The following KSR2 variants were observed in gnomAD, a reference collection of about 807,000 sequenced individuals.
KSR2 encodes the protein kinase suppressor of ras 2.
In KSR2, 25 loss-of-function variants were observed where a neutral mutation model predicts 107.8. That is an observed-to-expected ratio of 0.23 (90% CI 0.17 to 0.32). The LOEUF (loss-of-function observed/expected upper bound fraction) is 0.32, where lower values mean the gene tolerates loss of function less well. Among genes scored for constraint, KSR2 ranks in the 10% least tolerant of loss-of-function variants. The pLI, the probability that KSR2 is intolerant of heterozygous loss-of-function variation, is 1.00. For synonymous variants in KSR2, 480 were observed against 507.0 expected, an observed-to-expected ratio of 0.95 and a Z score of 0.71; for missense variants, 887 against 1,268.9, an observed-to-expected ratio of 0.70 and a Z score of 4.57.
chr12:117,589,021 C>T (rs568306537), intron 5 of KSR2, among the ~76,000 whole-genome samples: 88 of 152,302 alleles, frequency 5.8e-4, no homozygotes, highest in Non-Finnish European at 3.2e-4. Context: ...GTAAGGATAA[C>T]TAAATTGTTC....
At chr12:117,959,817 G>A (rs893127345) in intron 1 of KSR2, among the ~76,000 whole-genome samples, 25 of 152,002 alleles carry the variant, frequency 1.6e-4, no homozygotes, top group African/African-American at 4.1e-4. Flanking sequence ...TGCAGTCCCC[G>A]CTACTTGGGA....
chr12:117,495,762 A>T (rs1872985394), intron 14 of KSR2, among the ~76,000 whole-genome samples: 2 of 152,210 alleles, frequency 1.3e-5, no homozygotes, highest in Non-Finnish European at 2.9e-5. Flanking sequence ...CTAAGTCAAG[A>T]GGTCAGAGGC....
chr12:117,518,227 T>C (rs1111599), intron 14 of KSR2, among the ~76,000 whole-genome samples: 65,205 of 151,960 alleles, frequency 0.43, 14,201 homozygotes, highest in South Asian at 0.56. Context: ...ATTGGTGACA[T>C]GCGCCAAATG....
intron 3 of KSR2, among the ~76,000 whole-genome samples, chr12:117,851,069 C>A (rs1418868988): frequency 6.6e-6 from 1 of 152,202 alleles, no homozygotes; most frequent in Non-Finnish European, 1.5e-5. Flanking sequence ...GTACACAATT[C>A]TTTACTAAGA....
chr12:117,823,517 C>T (rs1039876506), intron 3 of KSR2, among the ~76,000 whole-genome samples: 2 of 152,020 alleles, frequency 1.3e-5, no homozygotes, highest in South Asian at 4.2e-4. Flanking sequence ...GATGGTGCTA[C>T]CATTTACTAA....
At chr12:117,624,729 A>G (rs921874707) in intron 5 of KSR2, among the ~76,000 whole-genome samples, 14 of 152,170 alleles carry the variant, frequency 9.2e-5, no homozygotes, top group African/African-American at 3.4e-4. Flanking sequence ...ACCTTAAAGT[A>G]GTTTTTTCCA....
At chr12:117,811,854 GT>G (rs1215321611) in intron 3 of KSR2, among the ~76,000 whole-genome samples, 1 of 152,240 alleles carries the variant, frequency 6.6e-6, no homozygotes, top group African/African-American at 2.4e-5. Context: ...AAAAGAAGAT[GT>G]TTTGGAGGTT....
intron 5 of KSR2, among the ~76,000 whole-genome samples, chr12:117,609,064 C>T (rs935978315): frequency 9.2e-5 from 14 of 152,104 alleles, no homozygotes; most frequent in Admixed American, 2.6e-4. Context: ...TCACCTTGGC[C>T]CCAACCTGAG....
chr12:117,491,752 C>T (rs757889932), intron 14 of KSR2, among the ~76,000 whole-genome samples: 6 of 152,144 alleles, frequency 3.9e-5, no homozygotes, highest in African/African-American at 7.2e-5. Flanking sequence ...AATACCCAAT[C>T]GTGGAATTGC....
intron 3 of KSR2, among the ~76,000 whole-genome samples, chr12:117,808,223 AG>A (rs937592060): frequency 7.2e-5 from 11 of 152,296 alleles, no homozygotes; most frequent in African/African-American, 1.2e-4. Context: ...GGCCCTGTCC[AG>A]GGGCCCCTTG....
chr12:117,940,494 T>A (rs926223002), intron 1 of KSR2, among the ~76,000 whole-genome samples: 11 of 152,212 alleles, frequency 7.2e-5, no homozygotes, highest in African/African-American at 2.7e-4. Context: ...CTTATTTTCA[T>A]CTGTATTTGA....
At chr12:117,484,632 C>T in intron 15 of KSR2, 83 bp from the exon 16 acceptor site, 11 of 1,435,664 alleles carry the variant, frequency 7.7e-6, no homozygotes, top group Non-Finnish European at 1.1e-5. Flanking sequence ...CATTCCTTGT[C>T]CTGAAGACTT....
At position 117,801,902 on chromosome 12, in the gene KSR2, T is replaced by C. The variant is rs146192423; in HGVS notation, c.473-40378A>G. Among the ~76,000 whole-genome samples, 276 of 152,122 alleles carry C rather than the reference T, an allele frequency of 1.8e-3. 1 individual carries two copies. Among genetic ancestry groups the C allele is most frequent in the African/African-American group, 6.4e-3 (264 of 41,514 alleles). On this transcript the variant is annotated intron_variant, in intron 3 of 19. Coordinates refer to ENST00000339824, the MANE Select transcript of KSR2 (RefSeq NM_173598.6). ...GAGGCCCTGGGGCTGAAGAATTGTA[T>C]ATGACCAGGGTTGCTCACCATGAAA...
At chr12:117,834,639 G>A (rs569187576) in intron 3 of KSR2, among the ~76,000 whole-genome samples, 23 of 152,288 alleles carry the variant, frequency 1.5e-4, no homozygotes, top group Middle Eastern at 3.4e-3. Flanking sequence ...GACCTTGCTC[G>A]GGCTGCGGTG....
intron 3 of KSR2, among the ~76,000 whole-genome samples, chr12:117,777,865 C>T (rs890433499): frequency 3.9e-5 from 6 of 151,968 alleles, no homozygotes; most frequent in Non-Finnish European, 7.4e-5. Context: ...AACCCCATCT[C>T]TACTAAAAAT....
chr12:117,543,819 C>T (rs1404578151), intron 9 of KSR2, among the ~76,000 whole-genome samples: 1 of 152,198 alleles, frequency 6.6e-6, no homozygotes, highest in Non-Finnish European at 1.5e-5. Flanking sequence ...CTCAGGATCC[C>T]TCTGAGACTT....
intron 1 of KSR2, among the ~76,000 whole-genome samples, chr12:117,913,715 T>C (rs933126326): frequency 1.3e-5 from 2 of 152,152 alleles, no homozygotes; most frequent in East Asian, 3.9e-4. Flanking sequence ...GGAGGAAGCA[T>C]GGCCCTGCTG....
intron 3 of KSR2, among the ~76,000 whole-genome samples, chr12:117,832,976 T>C (rs1042183567): frequency 1.6e-4 from 25 of 152,046 alleles, no homozygotes; most frequent in African/African-American, 6.0e-4. Flanking sequence ...GCACAGCACG[T>C]GGGCTCCCAA....
At chr12:117,759,580 T>A (rs1888921083) in intron 4 of KSR2, among the ~76,000 whole-genome samples, 1 of 152,152 alleles carries the variant, frequency 6.6e-6, no homozygotes, top group African/African-American at 2.4e-5. Context: ...CCACCATCCA[T>A]CTCCAGAATG....
Sources: allele counts gnomAD v4.1 joint callset (sites outside exome capture counted in the v4.1 genomes callset), GRCh38; gene constraint gnomAD v4.1.1; transcripts MANE v1.5; gene names NCBI Gene and HGNC (gene_info 2026-07-23, HGNC 2026-07-21).